The following RCAN1 variants were observed in gnomAD, a reference collection of about 807,000 sequenced individuals.
RCAN1 encodes the protein calcipressin-1.
Under a neutral mutation model 22.9 loss-of-function variants are expected in RCAN1, and 11 were observed. That is an observed-to-expected ratio of 0.48 (90% CI 0.30 to 0.79). The LOEUF is 0.79. Among genes scored for constraint, RCAN1 ranks in the 30% least tolerant of loss-of-function variants. RCAN1 has a pLI of 0.06. For synonymous variants in RCAN1, 136 were observed against 142.3 expected (o/e 0.96, Z 0.32); for missense variants, 291 against 337.8 (o/e 0.86, Z 1.09).
intron 1 of RCAN1, among the ~76,000 whole-genome samples, chr21:34,532,974 T>G (rs1048663393): frequency 1.3e-5 from 2 of 151,658 alleles, no homozygotes; most frequent in African/African-American, 2.4e-5. Context: ...TTTTTTTTTT[T>G]TTTTGAGACG....
intron 1 of RCAN1, among the ~76,000 whole-genome samples, chr21:34,612,825 G>T (rs534992376): frequency 2.0e-4 from 31 of 152,306 alleles, no homozygotes; most frequent in African/African-American, 6.5e-4. Context: ...GACATCCCTT[G>T]TTAGTTCCCT....
chr21:34,594,451 T>C (rs1177362423), intron 1 of RCAN1, among the ~76,000 whole-genome samples: 2 of 151,932 alleles, frequency 1.3e-5, no homozygotes, highest in African/African-American at 2.4e-5. Flanking sequence ...ACTCCAGAGG[T>C]TGGGACAGGA....
At chr21:34,544,035 G>C (rs1283556007) in intron 1 of RCAN1, among the ~76,000 whole-genome samples, 1 of 152,262 alleles carries the variant, frequency 6.6e-6, no homozygotes, top group Non-Finnish European at 1.5e-5. Context: ...CTAAGTCAAA[G>C]GTTGTTGTAG....
At chr21:34,612,973 C>T (rs1314920189) in intron 1 of RCAN1, among the ~76,000 whole-genome samples, 2 of 152,246 alleles carry the variant, frequency 1.3e-5, no homozygotes, top group African/African-American at 4.8e-5. Flanking sequence ...CCGAAATGAT[C>T]TTGTTCACTT....
chr21:34,562,224 A>G (rs1482905618), intron 1 of RCAN1, among the ~76,000 whole-genome samples: 1 of 152,230 alleles, frequency 6.6e-6, no homozygotes, highest in Non-Finnish European at 1.5e-5. Flanking sequence ...AAGTCAATAA[A>G]GACTTCATGG....
chr21:34,614,710 C>A lies in RCAN1; in HGVS notation c.252+50G>T. 1 of 1,372,992 alleles carries A rather than the reference C, an allele frequency of 7.3e-7. No homozygotes were observed. Among genetic ancestry groups the A allele is most frequent in the Non-Finnish European group, 9.5e-7 (1 of 1,056,996 alleles). 85.1% of individuals were successfully genotyped at this position (1,372,992 alleles called of 1,614,324 possible). On this transcript the variant is annotated intron_variant, in intron 1 of 3. Transcript: ENST00000313806. The surrounding 1 kb of genome is among the most constrained non-coding windows in gnomAD (Gnocchi z 6.0). ...CTGCGACCCGCGCCGCCTCCTCGGG[C>A]AACAAGTGTCCGCCCTCCGCCCCGA...
At chr21:34,605,781 G>C (rs11910260) in intron 1 of RCAN1, among the ~76,000 whole-genome samples, 1 of 151,852 alleles carries the variant, frequency 6.6e-6, no homozygotes, top group Non-Finnish European at 1.5e-5. Context: ...TTAGCCGGGC[G>C]TGGTGGCAGG....
At chr21:34,596,334 T>C (rs1386739461) in intron 1 of RCAN1, among the ~76,000 whole-genome samples, 1 of 152,134 alleles carries the variant, frequency 6.6e-6, no homozygotes, top group Admixed American at 6.5e-5. Flanking sequence ...TTCTTTTGAA[T>C]GAACGACTGG....
intron 1 of RCAN1, among the ~76,000 whole-genome samples, chr21:34,570,861 A>G (rs76940790): frequency 0.067 from 10,277 of 152,260 alleles, 443 homozygotes; most frequent in East Asian, 0.15. Flanking sequence ...GACTTAGGAT[A>G]AAATATATTT....
At chr21:34,545,537 C>T (rs1430799648) in intron 1 of RCAN1, among the ~76,000 whole-genome samples, 1 of 152,184 alleles carries the variant, frequency 6.6e-6, no homozygotes, top group Non-Finnish European at 1.5e-5. Flanking sequence ...AGTATGCTTC[C>T]TTGAAGAAGT....
chr21:34,563,559 T>C (rs1350735345), intron 1 of RCAN1, among the ~76,000 whole-genome samples: 1 of 151,794 alleles, frequency 6.6e-6, no homozygotes, highest in African/African-American at 2.4e-5. Flanking sequence ...GAACTTAGCA[T>C]GGCTGAAGTC....
At chr21:34,530,869 C>T (rs944267735) in intron 1 of RCAN1, among the ~76,000 whole-genome samples, 41 of 152,012 alleles carry the variant, frequency 2.7e-4, no homozygotes, top group Non-Finnish European at 4.9e-4. Context: ...GTGATCCACC[C>T]GCCTCGGCCT....
At chr21:34,527,082 T>C in intron 1 of RCAN1, 1 of 595,804 alleles carries the variant, frequency 1.7e-6, no homozygotes, top group Non-Finnish European at 2.2e-6. Flanking sequence ...GCTTCACAGC[T>C]GCTTTATCAA....
intron 1 of RCAN1, among the ~76,000 whole-genome samples, chr21:34,583,178 CTTTTT>C (rs10708288): frequency 8.7e-6 from 1 of 114,362 alleles, no homozygotes; most frequent in African/African-American, 3.3e-5. Context: ...GCGATAGGGC[CTTTTT>C]TTTTTTTTTT....
intron 1 of RCAN1, among the ~76,000 whole-genome samples, chr21:34,563,820 G>GAGAGAGAGAGA (rs1986903138): frequency 8.9e-5 from 12 of 134,430 alleles, no homozygotes; most frequent in Non-Finnish European, 1.6e-4. Flanking sequence ...GAGAGAGAGA[G>GAGAGAGAGAGA]GCAGGCATGG....
In RCAN1 at chr21:34,559,068, A is replaced by G. The variant is rs768624510; in HGVS notation, c.253-35358T>C. On this transcript the variant is annotated intron_variant, in intron 1 of 3. Transcript: ENST00000313806. ...CCAATTAATCATAATTTAACAAAATACAAATTGCTGTCAGTCTAGCTACAT... is the reference window on the plus strand; with the variant it reads ...CCAATTAATCATAATTTAACAAAATGCAAATTGCTGTCAGTCTAGCTACAT... Among the ~76,000 whole-genome samples the G allele has an allele frequency of 7.6e-4, 116 of 152,244 alleles. 1 individual carries two copies. Among genetic ancestry groups the G allele is most frequent in the Non-Finnish European group, 2.4e-4 (16 of 68,034 alleles).
chr21:34,587,953 A>G (rs1769727441), intron 1 of RCAN1, among the ~76,000 whole-genome samples: 1 of 152,224 alleles, frequency 6.6e-6, no homozygotes, highest in Admixed American at 6.5e-5. Flanking sequence ...GCCTACCCCA[A>G]GAAAGAAGGA....
chr21:34,608,711 G>A (rs1354807328), intron 1 of RCAN1, among the ~76,000 whole-genome samples: 1 of 152,194 alleles, frequency 6.6e-6, no homozygotes, highest in Admixed American at 6.5e-5. Flanking sequence ...TAAGTGTTGG[G>A]TTTGTTACAT....
intron 1 of RCAN1, among the ~76,000 whole-genome samples, chr21:34,529,957 T>C (rs1601141322): frequency 6.6e-6 from 1 of 152,200 alleles, no homozygotes; most frequent in Non-Finnish European, 1.5e-5. Flanking sequence ...CATTTTCCCT[T>C]GCTGCCGCCA....
Sources: gnomAD v4.1 joint callset for allele counts (sites outside exome capture counted in the v4.1 genomes callset) on GRCh38, gnomAD v4.1.1 for gene constraint, Gnocchi (gnomAD v3.1) non-coding constraint, MANE v1.5 for transcripts, NCBI Gene and HGNC (gene_info 2026-07-23, HGNC 2026-07-21) for gene names.